The following SMYD3 variants were observed in gnomAD, a reference collection of about 807,000 sequenced individuals.
The protein encoded by SMYD3 is histone-lysine N-methyltransferase SMYD3.
A neutral mutation model predicts 57.7 loss-of-function variants in SMYD3; 36 were observed. That is an observed-to-expected ratio of 0.62 (90% CI 0.48 to 0.82). The LOEUF is 0.82. SMYD3 is among the 40% of genes least tolerant of loss of function. The pLI, the probability that SMYD3 is intolerant of heterozygous loss-of-function variation, is 0.00. For missense variants in SMYD3, 515 were observed against 538.8 expected (o/e 0.96, Z 0.44); for synonymous variants, 211 against 195.0 (o/e 1.08, Z -0.68).
At chr1:246,241,278 T>C (rs947380370) in intron 5 of SMYD3, among the ~76,000 whole-genome samples, 3 of 152,214 alleles carry the variant, frequency 2.0e-5, no homozygotes, top group Non-Finnish European at 2.9e-5. Context: ...CAATGCCTAG[T>C]TTATTGAGAA....
chr1:245,751,314 T>C (rs2045338915), intron 11 of SMYD3, among the ~76,000 whole-genome samples: 1 of 152,196 alleles, frequency 6.6e-6, no homozygotes, highest in South Asian at 2.1e-4. Context: ...TTGGTGGTCA[T>C]GTGGTGAGAC....
chr1:245,799,620 T>C (rs2047755872), intron 10 of SMYD3, among the ~76,000 whole-genome samples: 1 of 152,246 alleles, frequency 6.6e-6, no homozygotes. Flanking sequence ...TAACGAATGT[T>C]AGTCATGTGA....
chr1:246,355,232 G>A lies in SMYD3; in HGVS notation c.165-138C>T. ...ATTATGTACAGTCCCTTAAGATTTG[G>A]ATTTTCACACTGATGAGCCTCCTCT... On this transcript the variant is annotated intron_variant, in intron 1 of 11. Transcript: ENST00000490107. The surrounding 1 kb of genome is among the most constrained non-coding windows in gnomAD (Gnocchi z 5.0). The A allele has an allele frequency of 1.3e-6, 1 of 769,284 alleles. No homozygotes were observed. The highest frequency in any genetic ancestry group is 2.1e-6 in the Non-Finnish European group (1 of 472,366). The allele number at this position is 769,284 out of a possible 1,614,324, so 47.7% of individuals were successfully genotyped here.
chr1:246,415,107 AG>A (rs1229899756), intron 1 of SMYD3, among the ~76,000 whole-genome samples: 3 of 152,238 alleles, frequency 2.0e-5, no homozygotes, highest in Non-Finnish European at 4.4e-5. Context: ...AAGCTATTCC[AG>A]CTAGGTCTGT....
chr1:246,502,692 C>T (rs1199023456), intron 1 of SMYD3, among the ~76,000 whole-genome samples: 1 of 152,120 alleles, frequency 6.6e-6, no homozygotes, highest in African/African-American at 2.4e-5. Flanking sequence ...GGCAAGAAGA[C>T]CTTGGATCTG....
chr1:245,910,764 T>G (rs1011795412), intron 8 of SMYD3, among the ~76,000 whole-genome samples: 3 of 152,148 alleles, frequency 2.0e-5, no homozygotes, highest in South Asian at 4.1e-4. Context: ...ACAGCTTAAA[T>G]ATTTGAATAT....
intron 1 of SMYD3, among the ~76,000 whole-genome samples, chr1:246,474,744 C>CA (rs1572036806): frequency 6.6e-6 from 1 of 152,058 alleles, no homozygotes; most frequent in Non-Finnish European, 1.5e-5. Context: ...AGACAGGAGA[C>CA]AGAGGGCGTG....
At chr1:246,296,843 A>G (rs1039475517) in intron 5 of SMYD3, among the ~76,000 whole-genome samples, 5 of 152,330 alleles carry the variant, frequency 3.3e-5, no homozygotes, top group African/African-American at 1.2e-4. Flanking sequence ...GTATTATTGT[A>G]CTATACTTAG....
intron 5 of SMYD3, among the ~76,000 whole-genome samples, chr1:246,300,117 A>T: frequency 6.6e-6 from 1 of 152,252 alleles, no homozygotes; most frequent in Middle Eastern, 3.4e-3. Flanking sequence ...AGCTGTGTAT[A>T]TACTAAATAA....
intron 5 of SMYD3, among the ~76,000 whole-genome samples, chr1:246,168,624 T>A (rs551336641): frequency 4.5e-4 from 69 of 152,298 alleles, no homozygotes; most frequent in African/African-American, 1.6e-3. Flanking sequence ...TAATTGTTAT[T>A]TCTTTGAAAT....
chr1:246,163,742 G>T (rs1257782887), intron 5 of SMYD3, among the ~76,000 whole-genome samples: 1 of 152,190 alleles, frequency 6.6e-6, no homozygotes, highest in Non-Finnish European at 1.5e-5. Flanking sequence ...AATTAAAAAA[G>T]AAACAGGAAA....
chr1:245,810,113 G>T (rs140419039), intron 10 of SMYD3, among the ~76,000 whole-genome samples: 4,896 of 152,228 alleles, frequency 0.032, 118 homozygotes, highest in Middle Eastern at 0.11. Context: ...GGCAGGAGGC[G>T]GCCTTGTCTC....
intron 1 of SMYD3, among the ~76,000 whole-genome samples, chr1:246,464,539 C>A (rs1422886372): frequency 6.6e-6 from 1 of 152,098 alleles, no homozygotes; most frequent in East Asian, 1.9e-4. Flanking sequence ...ACAAGAAAGA[C>A]AGAAAATATT....
intron 5 of SMYD3, among the ~76,000 whole-genome samples, chr1:246,126,565 C>T (rs531139601): frequency 1.3e-5 from 2 of 152,220 alleles, no homozygotes; most frequent in South Asian, 2.1e-4. Flanking sequence ...AAAATCATGT[C>T]GACAATTCAT....
chr1:246,400,662 C>A (rs920923149), intron 1 of SMYD3, among the ~76,000 whole-genome samples: 1 of 152,158 alleles, frequency 6.6e-6, no homozygotes, highest in African/African-American at 2.4e-5. Context: ...AGTTTCCTGG[C>A]CATTTCCAAT....
At chr1:246,032,916 T>C (rs771086279) in intron 5 of SMYD3, among the ~76,000 whole-genome samples, 2 of 152,202 alleles carry the variant, frequency 1.3e-5, no homozygotes, top group Non-Finnish European at 2.9e-5. Flanking sequence ...GTGAACTAAC[T>C]ACTCTAGGCT....
At chr1:246,044,482 C>T (rs1020911474) in intron 5 of SMYD3, among the ~76,000 whole-genome samples, 1 of 152,002 alleles carries the variant, frequency 6.6e-6, no homozygotes, top group East Asian at 1.9e-4. Flanking sequence ...GTTGTTTGGG[C>T]AAGAAATTTT....
rs1558551460 is a variant in SMYD3, at chr1:245,977,049, G to GTA, written c.532-47113_532-47112insTA. ...TAGCCCAGGGAAAGCCATCGTCTCCGGCCCAGGGAAAGCCATCGTCTCTAG... is the reference window on the plus strand; with the variant it reads ...TAGCCCAGGGAAAGCCATCGTCTCCGTAGCCCAGGGAAAGCCATCGTCTCTAG... On this transcript the variant is annotated intron_variant, in intron 5 of 11. Transcript: ENST00000490107. Among the ~76,000 whole-genome samples, 2 of 10,006 alleles carry GTA rather than the reference G, an allele frequency of 2.0e-4. 1 individual carries two copies. Among genetic ancestry groups the GTA allele is most frequent in the Non-Finnish European group, 8.9e-4 (2 of 2,254 alleles). The allele number at this position is 10,006 out of a possible 152,430, so 6.6% of individuals were successfully genotyped here.
chr1:245,751,619 A>AC (rs750326319), intron 11 of SMYD3, among the ~76,000 whole-genome samples: 1 of 130,606 alleles, frequency 7.7e-6, no homozygotes, highest in Non-Finnish European at 1.8e-5. Flanking sequence ...AGAGAGAGAG[A>AC]AAAAGAGAGA....
Sources: gnomAD v4.1 joint callset for allele counts (sites outside exome capture counted in the v4.1 genomes callset) on GRCh38, gnomAD v4.1.1 for gene constraint, Gnocchi (gnomAD v3.1) non-coding constraint, MANE v1.5 for transcripts, NCBI Gene and HGNC (gene_info 2026-07-23, HGNC 2026-07-21) for gene names.